Variants in PDIA5 observed in about 807,000 individuals in gnomAD.
PDIA5 encodes the protein protein disulfide isomerase family A member 5, also known as protein disulfide-isomerase A5.
Under a neutral mutation model 77.6 loss-of-function variants are expected in PDIA5, and 58 were observed. That is an observed-to-expected ratio of 0.75 (90% CI 0.61 to 0.93). The LOEUF is 0.93. PDIA5 is among the 40% of genes least tolerant of loss of function. The pLI is 0.00. For missense variants in PDIA5, 630 were observed against 647.7 expected, an observed-to-expected ratio of 0.97 and a Z score of 0.30; for synonymous variants, 250 against 252.1, an observed-to-expected ratio of 0.99 and a Z score of 0.08.
At chr3:123,098,623 A>G (rs1200104373) in intron 3 of PDIA5, among the ~76,000 whole-genome samples, 3 of 152,006 alleles carry the variant, frequency 2.0e-5, no homozygotes, top group Non-Finnish European at 2.9e-5. Flanking sequence ...TTCCTTCCAC[A>G]TTCTCCATGG....
chr3:123,070,382 T>C (rs1354358821), intron 1 of PDIA5, among the ~76,000 whole-genome samples: 15 of 152,338 alleles, frequency 9.8e-5, no homozygotes, highest in Admixed American at 9.1e-4. Flanking sequence ...CTTCTTTGCT[T>C]ATGCTTTTCT....
chr3:123,151,903 G>T (rs13063295), intron 14 of PDIA5, among the ~76,000 whole-genome samples: 18,208 of 106,560 alleles, frequency 0.17, 2,164 homozygotes, highest in Non-Finnish European at 0.22. Context: ...CTTCCTGCCT[G>T]CCTTCCTTCC....
chr3:123,122,450 A>G (rs1322819926), intron 8 of PDIA5, among the ~76,000 whole-genome samples: 2 of 152,192 alleles, frequency 1.3e-5, no homozygotes, highest in Non-Finnish European at 2.9e-5. Flanking sequence ...CTAGGAAAAA[A>G]AAAACAGTGA....
At chr3:123,104,141 C>T (rs1023919935) in intron 5 of PDIA5, among the ~76,000 whole-genome samples, 2 of 152,152 alleles carry the variant, frequency 1.3e-5, no homozygotes, top group South Asian at 2.1e-4. Context: ...AAAGACCAGA[C>T]GTGTGAGGTC....
At chr3:123,095,918 T>C (rs896214827) in intron 3 of PDIA5, among the ~76,000 whole-genome samples, 1 of 152,124 alleles carries the variant, frequency 6.6e-6, no homozygotes, top group South Asian at 2.1e-4. Context: ...AATGTGGAGT[T>C]GAGTCTTCCA....
intron 3 of PDIA5, among the ~76,000 whole-genome samples, chr3:123,095,032 G>T (rs1934396499): frequency 1.3e-5 from 2 of 152,190 alleles, no homozygotes; most frequent in African/African-American, 4.8e-5. Context: ...TGGAATAAGG[G>T]AGAAAGCCTT....
At chr3:123,109,859 C>G (rs1159167617) in intron 6 of PDIA5, among the ~76,000 whole-genome samples, 2 of 152,162 alleles carry the variant, frequency 1.3e-5, no homozygotes, top group Non-Finnish European at 2.9e-5. Flanking sequence ...TTTAGTGCAC[C>G]ATGCACATCT....
chr3:123,078,177 G>A (rs949556701), intron 1 of PDIA5, among the ~76,000 whole-genome samples: 10 of 152,132 alleles, frequency 6.6e-5, no homozygotes, highest in East Asian at 1.9e-4. Flanking sequence ...TATGTGTTGC[G>A]TGCCAAGTAC....
chr3:123,114,906 CA>C (rs1032737773), intron 7 of PDIA5, among the ~76,000 whole-genome samples: 4 of 152,158 alleles, frequency 2.6e-5, no homozygotes, highest in Admixed American at 1.3e-4. Flanking sequence ...GTCCATCTGT[CA>C]GACAGGAATG....
intron 13 of PDIA5, among the ~76,000 whole-genome samples, chr3:123,148,207 T>C (rs1935811656): frequency 1.3e-5 from 2 of 152,142 alleles, no homozygotes; most frequent in Admixed American, 6.5e-5. Flanking sequence ...CATAGACTTG[T>C]CTAGGGAATT....
chr3:123,107,821 C>G (rs927502258), intron 6 of PDIA5, among the ~76,000 whole-genome samples: 2 of 152,182 alleles, frequency 1.3e-5, no homozygotes, highest in Admixed American at 6.5e-5. Context: ...TTTTTAGAGA[C>G]AGGATCTCGC....
chr3:123,161,575 T>A (rs1936160753), intron 16 of PDIA5, 120 bp downstream of exon 16: 5 of 1,126,848 alleles, frequency 4.4e-6, no homozygotes, highest in Non-Finnish European at 6.3e-6. Flanking sequence ...GCTGGAACAC[T>A]GCACCGAGAG....
At chr3:123,070,503 G>C (rs1269980263) in intron 1 of PDIA5, among the ~76,000 whole-genome samples, 1 of 152,204 alleles carries the variant, frequency 6.6e-6, no homozygotes, top group African/African-American at 2.4e-5. Context: ...AAGAATACTG[G>C]GGAGGAAGGT....
At chr3:123,146,391 C>A in intron 13 of PDIA5, 132 bp downstream of exon 13, 1 of 726,652 alleles carries the variant, frequency 1.4e-6, no homozygotes, top group Non-Finnish European at 2.3e-6. Context: ...ACGGATCTGA[C>A]TTCCTCAACC....
intron 11 of PDIA5, among the ~76,000 whole-genome samples, chr3:123,137,539 A>G (rs542468185): frequency 5.4e-4 from 82 of 152,296 alleles, no homozygotes; most frequent in African/African-American, 1.7e-3. Context: ...TATTATATTT[A>G]TTGGTCACTG....
At chr3:123,083,830 G>C (rs1026604637) in intron 1 of PDIA5, among the ~76,000 whole-genome samples, 6 of 152,212 alleles carry the variant, frequency 3.9e-5, no homozygotes, top group Non-Finnish European at 7.3e-5. Flanking sequence ...TTAAGGAAAG[G>C]AAGGAGCGTG....
At chr3:123,116,362 C>A in intron 8 of PDIA5, 64 bp downstream of exon 8, 4 of 898,184 alleles carry the variant, frequency 4.5e-6, no homozygotes, top group South Asian at 1.3e-5. Flanking sequence ...GGAAGGGTGC[C>A]AGGGGTGGGG....
Position 123,101,150 on chromosome 3 carries a change from G to A in PDIA5, c.258-1261G>A, listed in dbSNP as rs1934581717. On this transcript the variant is annotated intron_variant, in intron 3 of 16. Transcript: ENST00000316218. ...GGGAGCCAAACCTTATGGAGGTAGG[G>A]GAGAAGAACATGAGCCAGTGAAGGA... Among the ~76,000 whole-genome samples the A allele has an allele frequency of 3.3e-5, 5 of 152,272 alleles. No homozygotes were observed. In the South Asian group the frequency reaches 8.3e-4, roughly 25 times the overall value.
At chr3:123,084,630 C>T (rs1253645078) in intron 1 of PDIA5, among the ~76,000 whole-genome samples, 1 of 152,146 alleles carries the variant, frequency 6.6e-6, no homozygotes, top group African/African-American at 2.4e-5. Flanking sequence ...TATCATCTTC[C>T]TTAATGTAAG....
Sources: allele counts gnomAD v4.1 joint callset (sites outside exome capture counted in the v4.1 genomes callset), GRCh38; gene constraint gnomAD v4.1.1; transcripts MANE v1.5; gene names NCBI Gene and HGNC (gene_info 2026-07-23, HGNC 2026-07-21).